Variants in SAMMSON observed in about 807,000 individuals in gnomAD.
SAMMSON encodes survival associated mitochondrial melanoma specific oncogenic non-coding RNA.
At chr3:70,207,671 T>TA (rs1701305415) in intron 4 of SAMMSON, among the ~76,000 whole-genome samples, 1 of 151,794 alleles carries the variant, frequency 6.6e-6, no homozygotes, top group African/African-American at 2.4e-5. Context: ...ATGATACAAA[T>TA]AAAAAACAAT....
At chr3:70,424,364 T>G (rs1436827986) in intron 2 of SAMMSON, among the ~76,000 whole-genome samples, 2 of 152,188 alleles carry the variant, frequency 1.3e-5, no homozygotes, top group East Asian at 1.9e-4. Flanking sequence ...TGGTGTTCTA[T>G]AGAGGTAATT....
chr3:70,178,613 A>G (rs1701027091), intron 4 of SAMMSON, among the ~76,000 whole-genome samples: 1 of 152,214 alleles, frequency 6.6e-6, no homozygotes, highest in Non-Finnish European at 1.5e-5. Flanking sequence ...AGTCCTGCAA[A>G]TACCACTGCG....
At chr3:70,316,498 T>G (rs1367454318) in intron 7 of SAMMSON, among the ~76,000 whole-genome samples, 1 of 152,118 alleles carries the variant, frequency 6.6e-6, no homozygotes, top group African/African-American at 2.4e-5. Context: ...AAGTATGTTT[T>G]CTGCTACAGA....
At chr3:70,135,295 A>G (rs1309370122) in intron 4 of SAMMSON, among the ~76,000 whole-genome samples, 1 of 152,194 alleles carries the variant, frequency 6.6e-6, no homozygotes. Flanking sequence ...TGGACCAGAA[A>G]GAAACAAAAT....
At chr3:70,031,420 A>G (rs1327888215) in intron 3 of SAMMSON, among the ~76,000 whole-genome samples, 1 of 152,140 alleles carries the variant, frequency 6.6e-6, no homozygotes, top group Non-Finnish European at 1.5e-5. Flanking sequence ...TAATGGGTAC[A>G]AAGTTTCCAT....
intron 6 of SAMMSON, among the ~76,000 whole-genome samples, chr3:70,289,681 T>C (rs1231731385): frequency 3.9e-5 from 6 of 152,260 alleles, no homozygotes; most frequent in South Asian, 2.1e-4. Flanking sequence ...ATTCTCCCCA[T>C]CACTTTCAGG....
At chr3:70,417,561 T>C (rs1227191486) in intron 2 of SAMMSON, among the ~76,000 whole-genome samples, 8 of 152,216 alleles carry the variant, frequency 5.3e-5, no homozygotes, top group Admixed American at 5.2e-4. Flanking sequence ...AATCCAAGAA[T>C]GATCAGAACT....
At chr3:70,214,057 T>C (rs540314273) in intron 4 of SAMMSON, among the ~76,000 whole-genome samples, 3 of 152,226 alleles carry the variant, frequency 2.0e-5, no homozygotes, top group South Asian at 2.1e-4. Flanking sequence ...AGTTGAGGGA[T>C]GAAGGCTTCT....
intron 6 of SAMMSON, among the ~76,000 whole-genome samples, chr3:70,281,424 C>A (rs1444240041): frequency 6.6e-6 from 1 of 152,138 alleles, no homozygotes; most frequent in Non-Finnish European, 1.5e-5. Flanking sequence ...AGAATTCTGT[C>A]TTTACCATTT....
chr3:70,371,014 A>C (rs1702963844), intron 9 of SAMMSON, among the ~76,000 whole-genome samples: 1 of 151,998 alleles, frequency 6.6e-6, no homozygotes, highest in Non-Finnish European at 1.5e-5. Flanking sequence ...AAATGATTCC[A>C]GTTTTATTTT....
intron 4 of SAMMSON, among the ~76,000 whole-genome samples, chr3:70,154,907 C>G (rs148363824): frequency 0.017 from 2,594 of 151,676 alleles, 31 homozygotes; most frequent in Middle Eastern, 0.031. Context: ...ATTGGGGAGG[C>G]AATATCTAAA....
chr3:70,281,935 T>C (rs1702088476), intron 6 of SAMMSON, among the ~76,000 whole-genome samples: 1 of 152,192 alleles, frequency 6.6e-6, no homozygotes, highest in African/African-American at 2.4e-5. Context: ...TTTTTGATTG[T>C]ACAGTAACAC....
At chr3:70,287,402 T>G (rs2106688541) in intron 6 of SAMMSON, among the ~76,000 whole-genome samples, 1 of 151,662 alleles carries the variant, frequency 6.6e-6, no homozygotes, top group Non-Finnish European at 1.5e-5. Context: ...ATCCCAGGGA[T>G]GAAGCCCACT....
chr3:70,159,875 C>A (rs1282292073), intron 4 of SAMMSON, among the ~76,000 whole-genome samples: 1 of 151,830 alleles, frequency 6.6e-6, no homozygotes, highest in African/African-American at 2.4e-5. Flanking sequence ...TAAATTATAG[C>A]CATTCTAGTG....
chr3:70,028,935 G>C (rs1286215565), intron 3 of SAMMSON, among the ~76,000 whole-genome samples: 2 of 152,208 alleles, frequency 1.3e-5, no homozygotes, highest in African/African-American at 4.8e-5. Flanking sequence ...AGGTACAGTT[G>C]TTAAGCCCAT....
chr3:70,217,012 G>A (rs1220561770), intron 4 of SAMMSON, among the ~76,000 whole-genome samples: 1 of 152,060 alleles, frequency 6.6e-6, no homozygotes, highest in Non-Finnish European at 1.5e-5. Flanking sequence ...CTGATCACCA[G>A]CCATTGCTAT....
At chr3:70,237,979 C>CTTTATTTTTT (rs1701627930) in intron 4 of SAMMSON, among the ~76,000 whole-genome samples, 1 of 48,932 alleles carries the variant, frequency 2.0e-5, no homozygotes, top group Non-Finnish European at 3.2e-5. Flanking sequence ...TGAGTGGTAT[C>CTTTATTTTTT]TTTTTTTTTT....
At chr3:70,155,915 G>A (rs554414723) in intron 4 of SAMMSON, among the ~76,000 whole-genome samples, 5 of 152,136 alleles carry the variant, frequency 3.3e-5, no homozygotes, top group African/African-American at 1.2e-4. Context: ...AAATAGAGTT[G>A]CTAAATATTT....
At chr3:70,021,946 T>C (rs1414889917) in intron 3 of SAMMSON, among the ~76,000 whole-genome samples, 3 of 152,096 alleles carry the variant, frequency 2.0e-5, no homozygotes, top group Admixed American at 6.6e-5. Context: ...TTTTAAGAAG[T>C]AGTTCTTATC....
Sources: gnomAD v4.1 joint callset for allele counts (sites outside exome capture counted in the v4.1 genomes callset) on GRCh38, gnomAD v4.1.1 for gene constraint, MANE v1.5 for transcripts, NCBI Gene and HGNC (gene_info 2026-07-23, HGNC 2026-07-21) for gene names.